The following TJP3 variants were observed in gnomAD, a reference collection of about 807,000 sequenced individuals.
TJP3 encodes tight junction protein 3, also known as tight junction protein ZO-3.
In TJP3, 85 loss-of-function variants were observed where a neutral mutation model predicts 104.2. That is an observed-to-expected ratio of 0.82 (90% CI 0.68 to 0.98). TJP3 has a LOEUF of 0.98. Among genes scored for constraint, TJP3 ranks in the 50% least tolerant of loss-of-function variants. The pLI, the probability that TJP3 is intolerant of heterozygous loss-of-function variation, is 0.00. For missense variants in TJP3, 1,367 were observed against 1,322.8 expected (o/e 1.03, Z -0.52); for synonymous variants, 550 against 550.6 (o/e 1.00, Z 0.02).
intron 20 of TJP3, 36 bp from the exon 21 acceptor site, chr19:3,750,546 C>A: frequency 6.5e-7 from 1 of 1,526,732 alleles, no homozygotes; most frequent in Non-Finnish European, 9.0e-7. Flanking sequence ...CACACCCTTC[C>A]CACCCACAGC....
intron 1 of TJP3, 176 bp from the exon 2 acceptor site, chr19:3,728,248 A>C: frequency 9.5e-7 from 1 of 1,050,918 alleles, no homozygotes; most frequent in Admixed American, 2.8e-5. Context: ...TCAAAAAATG[A>C]AACAAAACAA....
At chr19:3,710,426 G>A (rs1450068074) in intron 1 of TJP3, among the ~76,000 whole-genome samples, 6 of 152,180 alleles carry the variant, frequency 3.9e-5, no homozygotes, top group Non-Finnish European at 7.3e-5. Flanking sequence ...AGCTGGTGGC[G>A]GGGGTGGTGC....
At chr19:3,709,569 C>T (rs772038370) in intron 1 of TJP3, among the ~76,000 whole-genome samples, 2 of 152,124 alleles carry the variant, frequency 1.3e-5, no homozygotes, top group African/African-American at 2.4e-5. Context: ...GCCAAGTGTC[C>T]GATTGCATCT....
chr19:3,742,993 C>T (rs1440852799), intron 14 of TJP3, among the ~76,000 whole-genome samples: 2 of 150,344 alleles, frequency 1.3e-5, no homozygotes, highest in Non-Finnish European at 3.0e-5. Flanking sequence ...AGGCCACGTG[C>T]GGTGGCTCAC....
At position 3,730,158 on chromosome 19, in the gene TJP3, G is replaced by A. The variant is rs1254147308; in HGVS notation, c.261+28G>A. ...GAGTAGGCAGCCCCTGGCATGGCCA[G>A]CATCTCTGACCCCAGCCTGGGTCGT... On this transcript the variant is annotated intron_variant, in intron 4 of 20. Transcript: ENST00000541714. This position sits in a 1 kb window ranked among gnomAD's most constrained non-coding sequence, Gnocchi z 7.3. 2 of 1,606,832 alleles carry A rather than the reference G, an allele frequency of 1.2e-6. No homozygotes were observed. Among genetic ancestry groups the A allele is most frequent in the South Asian group, 2.2e-5 (2 of 90,958 alleles).
chr19:3,716,232 C>A (rs1344799291), intron 1 of TJP3, among the ~76,000 whole-genome samples: 1 of 145,888 alleles, frequency 6.9e-6, no homozygotes, highest in Non-Finnish European at 1.5e-5. Context: ...GTCACTACGC[C>A]CAGCTAATTT....
chr19:3,721,659 C>A (rs1401771465), intron 1 of TJP3: 1 of 334,966 alleles, frequency 3.0e-6, no homozygotes, highest in Non-Finnish European at 5.4e-6. Flanking sequence ...GGGAGAGAAA[C>A]CTCCGCCGCG....
intron 1 of TJP3, among the ~76,000 whole-genome samples, chr19:3,713,819 G>C (rs1397544471): frequency 6.6e-6 from 1 of 151,218 alleles, no homozygotes; most frequent in Non-Finnish European, 1.5e-5. Context: ...AGGTTGAAGT[G>C]ATTCTCCTGC....
At chr19:3,715,281 G>T (rs1454135843) in intron 1 of TJP3, among the ~76,000 whole-genome samples, 1 of 152,028 alleles carries the variant, frequency 6.6e-6, no homozygotes, top group South Asian at 2.1e-4. Context: ...AGTAGAGATG[G>T]GGTTTCACCG....
Position 3,748,215 on chromosome 19 carries a change from G to C in TJP3, c.2610+134G>C, listed in dbSNP as rs1370980965. 5.8e-6 allele frequency: 7 copies of C among 1,213,578 alleles called. No individual in the cohort carries two copies. The East Asian group carries it at 1.3e-4, about 22-fold the overall frequency. The allele number at this position is 1,213,578 out of a possible 1,614,324, so 75.2% of individuals were successfully genotyped here. On this transcript the variant is annotated intron_variant, in intron 19 of 20. Coordinates refer to ENST00000541714, the MANE Select transcript of TJP3 (RefSeq NM_001267560.2). ...GCTTCCCTGGTCAGACTGGTTTCTGGGACTCAGACCTGGGGTAGCTGAGAC... is the reference window on the plus strand; with the variant it reads ...GCTTCCCTGGTCAGACTGGTTTCTGCGACTCAGACCTGGGGTAGCTGAGAC...
intron 10 of TJP3, 109 bp downstream of exon 10, chr19:3,736,044 T>C: frequency 6.4e-7 from 1 of 1,574,676 alleles, no homozygotes; most frequent in Middle Eastern, 1.7e-4. Context: ...AGTGGGACCA[T>C]TAAGTGGGGG....
intron 1 of TJP3, among the ~76,000 whole-genome samples, chr19:3,711,055 C>A (rs931607888): frequency 1.0e-5 from 1 of 96,930 alleles, no homozygotes; most frequent in Non-Finnish European, 2.1e-5. Context: ...AGGCGCCCGC[C>A]ACCACACCCG....
chr19:3,726,830 A>G (rs970356343), intron 1 of TJP3, among the ~76,000 whole-genome samples: 1 of 151,716 alleles, frequency 6.6e-6, no homozygotes, highest in Non-Finnish European at 1.5e-5. Flanking sequence ...TCACACTTGT[A>G]ATCCCAGCAC....
chr19:3,716,797 A>ATG (rs1251840414), intron 1 of TJP3, among the ~76,000 whole-genome samples: 1 of 67,882 alleles, frequency 1.5e-5, no homozygotes, highest in African/African-American at 4.7e-5. Flanking sequence ...ATATATATAT[A>ATG]TATATTTTTT....
chr19:3,735,343 G>A (rs996525388), intron 8 of TJP3, among the ~76,000 whole-genome samples: 2 of 151,950 alleles, frequency 1.3e-5, no homozygotes, highest in African/African-American at 4.8e-5. Flanking sequence ...GGGATTACAG[G>A]CGCCCACCAT....
At position 3,746,287 on chromosome 19, in the gene TJP3, CAG is replaced by C. The variant is rs1218379151; in HGVS notation, c.2011-192_2011-191del. On this transcript the variant is annotated intron_variant, in intron 16 of 20. Coordinates refer to ENST00000541714, the MANE Select transcript of TJP3 (RefSeq NM_001267560.2). The surrounding 1 kb of genome is among the most constrained non-coding windows in gnomAD (Gnocchi z 4.1). Reference sequence around the variant, plus strand: ...AACAGCAGCCAGCCCTGGGCAAAGGCAGAGAGACTCAAGTTGAGGTTTTGATG... The same window carrying C: ...AACAGCAGCCAGCCCTGGGCAAAGGCAGAGACTCAAGTTGAGGTTTTGATG... Among the ~76,000 whole-genome samples the C allele has an allele frequency of 6.6e-6, 1 of 152,126 alleles. No individual in the cohort carries two copies.
Position 3,735,684 on chromosome 19 carries a change from C to G in TJP3, c.1060+45C>G, listed in dbSNP as rs780145900. ...ACCCCTGTCCCTGACATTTCTGATC[C>G]CTGACAGCAAGGCTGTGCCAGGCAG... On this transcript the variant is annotated intron_variant, in intron 9 of 20. Transcript: ENST00000541714. 5.6e-6 allele frequency: 9 copies of G among 1,611,466 alleles called. No individual in the cohort carries two copies. In the South Asian group the frequency reaches 8.8e-5, roughly 16 times the overall value.
rs1255712331 is a variant in TJP3 at position 3,729,996 on chromosome 19, C to A, written c.159-32C>A. 8.8e-6 allele frequency: 14 copies of A among 1,596,882 alleles called. 1 individual carries two copies. The Admixed American group carries it at 2.2e-4, about 25-fold the overall frequency. ...TGTTACGAGGGTCTCCCCTGCAAAG[C>A]CTCCTCCGTAAGACCCGCCCTCCTC... On this transcript the variant is annotated intron_variant, in intron 3 of 20. Coordinates refer to ENST00000541714, the MANE Select transcript of TJP3 (RefSeq NM_001267560.2).
At chr19:3,717,746 A>T (rs999047160) in intron 1 of TJP3, among the ~76,000 whole-genome samples, 5 of 151,874 alleles carry the variant, frequency 3.3e-5, no homozygotes, top group South Asian at 2.1e-4. Flanking sequence ...AGATATTTTT[A>T]AAAATTTTTG....
Sources: allele counts gnomAD v4.1 joint callset (sites outside exome capture counted in the v4.1 genomes callset), GRCh38; gene constraint gnomAD v4.1.1; non-coding constraint Gnocchi (gnomAD v3.1); transcripts MANE v1.5; gene names NCBI Gene and HGNC (gene_info 2026-07-23, HGNC 2026-07-21).